RSPO3: variants seen among roughly 807,000 people sequenced by gnomAD.
RSPO3 encodes R-spondin-3.
RSPO3 carries 17 observed loss-of-function variants against 36.5 expected under a neutral mutation model. The ratio of observed to expected loss-of-function variants is 0.47; its 90% confidence interval spans 0.32 to 0.70. RSPO3 has a LOEUF of 0.70. Ranked by LOEUF, RSPO3 falls within the 30% of genes least tolerant of loss-of-function variation. The pLI, the probability that RSPO3 is intolerant of heterozygous loss-of-function variation, is 0.04. For synonymous variants in RSPO3, 108 were observed against 107.0 expected, an observed-to-expected ratio of 1.01 and a Z score of -0.06; for missense variants, 294 against 322.5, an observed-to-expected ratio of 0.91 and a Z score of 0.68.
chr6:127,184,370 T>A (rs906572854), intron 4 of RSPO3, among the ~76,000 whole-genome samples: 1 of 151,906 alleles, frequency 6.6e-6, no homozygotes, highest in South Asian at 2.1e-4. Context: ...CTTGACAAAT[T>A]GCAAAAAGGC....
At chr6:127,173,333 G>A (rs1774980604) in intron 4 of RSPO3, among the ~76,000 whole-genome samples, 1 of 151,802 alleles carries the variant, frequency 6.6e-6, no homozygotes, top group Non-Finnish European at 1.5e-5. Context: ...AAATGGTTAT[G>A]TTAGTGCTAT....
intron 4 of RSPO3, among the ~76,000 whole-genome samples, chr6:127,162,378 A>C (rs1774725525): frequency 6.6e-6 from 1 of 152,156 alleles, no homozygotes; most frequent in South Asian, 2.1e-4. Context: ...GTGATTCCTC[A>C]TTCACTTAAC....
In RSPO3 at chr6:127,149,765, G is replaced by A. The variant is rs562532052; in HGVS notation, c.290-661G>A. Among the ~76,000 whole-genome samples, 3 of 152,096 alleles carry A rather than the reference G, an allele frequency of 2.0e-5. No homozygotes were observed. In the South Asian group the frequency reaches 6.2e-4, roughly 32 times the overall value. ...TGGGTTAGTTTTATAACTTTTGTGAGCCTCAGTTTCCTTATATGTAAAATG... is the reference window on the plus strand; with the variant it reads ...TGGGTTAGTTTTATAACTTTTGTGAACCTCAGTTTCCTTATATGTAAAATG... On this transcript the variant is annotated intron_variant, in intron 2 of 4. Transcript: ENST00000356698.
intron 1 of RSPO3, among the ~76,000 whole-genome samples, chr6:127,131,948 C>G (rs568710892): frequency 1.3e-5 from 2 of 152,076 alleles, no homozygotes; most frequent in Non-Finnish European, 2.9e-5. Flanking sequence ...GTCATTTTTA[C>G]AAGAGCAATA....
chr6:127,143,316 C>G (rs1415230252), intron 1 of RSPO3, among the ~76,000 whole-genome samples: 1 of 151,976 alleles, frequency 6.6e-6, no homozygotes, highest in Non-Finnish European at 1.5e-5. Context: ...AATGTGAGCA[C>G]ACTTCTAAAA....
chr6:127,146,235 T>TA (rs1309132499), intron 1 of RSPO3, among the ~76,000 whole-genome samples: 2 of 152,158 alleles, frequency 1.3e-5, no homozygotes, highest in Non-Finnish European at 2.9e-5. Context: ...TTGGGACAAC[T>TA]AGGTCTTTCT....
At position 127,196,550 on chromosome 6, in the gene RSPO3, T is replaced by TTCCATCACTCTCATCCTGTATTTTTATA; in HGVS notation, c.*544_*571dup. 6.6e-6 allele frequency: 1 copy of TTCCATCACTCTCATCCTGTATTTTTATA among 152,224 alleles called. No homozygotes were observed. The highest frequency in any genetic ancestry group is 1.5e-5 in the Non-Finnish European group (1 of 68,060). 9.4% of individuals were successfully genotyped at this position (152,224 alleles called of 1,614,324 possible). A position where few individuals can be genotyped will look rare whatever the true frequency, so the allele number is the denominator to read the frequency against. On this transcript the variant is annotated 3_prime_UTR_variant, in exon 5 of 5. Transcript: ENST00000356698. ...ACAGAAACAACTGTTTTAAGATTAG[T>TTCCATCACTCTCATCCTGTATTTTTATA]TCCATCACTCTCATCCTGTATTTTT...
chr6:127,136,253 T>C (rs571542404), intron 1 of RSPO3, among the ~76,000 whole-genome samples: 3 of 152,318 alleles, frequency 2.0e-5, no homozygotes, highest in East Asian at 3.9e-4. Flanking sequence ...TATCTGTTCA[T>C]TGACTGAGGA....
chr6:127,147,738 T>TA (rs756679742), intron 1 of RSPO3, among the ~76,000 whole-genome samples: 1 of 152,188 alleles, frequency 6.6e-6, no homozygotes, highest in Admixed American at 6.6e-5. Context: ...CACACACTGG[T>TA]AACTCTTGGA....
intron 4 of RSPO3, among the ~76,000 whole-genome samples, chr6:127,193,755 TC>T (rs1775459990): frequency 6.6e-6 from 1 of 152,160 alleles, no homozygotes; most frequent in Non-Finnish European, 1.5e-5. Flanking sequence ...TATATTCAAG[TC>T]AGCACATCAA....
At chr6:127,156,047 C>T (rs1245728272) in intron 4 of RSPO3, among the ~76,000 whole-genome samples, 2 of 152,082 alleles carry the variant, frequency 1.3e-5, no homozygotes, top group Non-Finnish European at 2.9e-5. Context: ...GGATTACAAG[C>T]GTGAGCCGCC....
In RSPO3 at chr6:127,163,187, T is replaced by C. The variant is rs189419326; in HGVS notation, c.634+7749T>C. Among the ~76,000 whole-genome samples, 12 of 152,236 alleles carry C rather than the reference T, an allele frequency of 7.9e-5. 1 individual carries two copies. Among genetic ancestry groups the C allele is most frequent in the African/African-American group, 2.4e-4 (10 of 41,550 alleles). On this transcript the variant is annotated intron_variant, in intron 4 of 4. Coordinates refer to ENST00000356698, the MANE Select transcript of RSPO3 (RefSeq NM_032784.5). The stretch of plus-strand genomic sequence containing the variant: ...AAAGAAGCTTCTTGTCCTTTGCTAA[T>C]TGCAAAGTAAATATTTCTCCAGCAA...
At chr6:127,160,666 T>C (rs1253287807) in intron 4 of RSPO3, among the ~76,000 whole-genome samples, 1 of 152,300 alleles carries the variant, frequency 6.6e-6, no homozygotes, top group African/African-American at 2.4e-5. Context: ...GTTGTTGCTA[T>C]GGAAAGGGGT....
intron 4 of RSPO3, among the ~76,000 whole-genome samples, chr6:127,177,142 A>G (rs1370146042): frequency 1.3e-5 from 2 of 151,862 alleles, no homozygotes; most frequent in African/African-American, 4.8e-5. Context: ...TTCCCGCTGG[A>G]TATTTTGCTC....
chr6:127,154,469 G>A (rs1004686545), intron 3 of RSPO3, among the ~76,000 whole-genome samples: 6 of 152,148 alleles, frequency 3.9e-5, no homozygotes, highest in African/African-American at 1.2e-4. Context: ...GTCATCTTAG[G>A]AATCACTTGG....
intron 4 of RSPO3, among the ~76,000 whole-genome samples, chr6:127,185,327 C>T (rs918513328): frequency 6.6e-6 from 1 of 152,028 alleles, no homozygotes; most frequent in African/African-American, 2.4e-5. Context: ...AGGTGAAATA[C>T]TCCCCTTATC....
At chr6:127,168,775 A>G (rs1774876322) in intron 4 of RSPO3, among the ~76,000 whole-genome samples, 2 of 152,070 alleles carry the variant, frequency 1.3e-5, no homozygotes. Flanking sequence ...TAATTTTTGT[A>G]TAAGGTGTAA....
intron 1 of RSPO3, among the ~76,000 whole-genome samples, chr6:127,134,161 G>A: frequency 6.6e-6 from 1 of 152,126 alleles, no homozygotes; most frequent in Non-Finnish European, 1.5e-5. Flanking sequence ...GAAAACATGG[G>A]AATTTATTAG....
intron 4 of RSPO3, among the ~76,000 whole-genome samples, chr6:127,159,628 C>A (rs1441459085): frequency 6.7e-6 from 1 of 148,386 alleles, no homozygotes; most frequent in South Asian, 2.1e-4. Flanking sequence ...TATATAAAGG[C>A]ATTACATACA....
Sources: gnomAD v4.1 joint callset for allele counts (sites outside exome capture counted in the v4.1 genomes callset) on GRCh38, gnomAD v4.1.1 for gene constraint, MANE v1.5 for transcripts, NCBI Gene and HGNC (gene_info 2026-07-23, HGNC 2026-07-21) for gene names.